The following DSE variants were observed in gnomAD, a reference collection of about 807,000 sequenced individuals.
The protein encoded by DSE is dermatan sulfate epimerase.
In DSE, 36 loss-of-function variants were observed where a neutral mutation model predicts 84.4. The observed-to-expected ratio is 0.43, with a 90% CI of 0.33 to 0.56. DSE has a LOEUF of 0.56. Ranked by LOEUF, DSE falls within the 20% of genes least tolerant of loss-of-function variation. DSE has a pLI of 0.06. For missense variants in DSE, 862 were observed against 1,169.6 expected (o/e 0.74, Z 3.84); for synonymous variants, 410 against 430.1 (o/e 0.95, Z 0.58).
chr6:116,427,782 A>T (rs1783542614), intron 3 of DSE, among the ~76,000 whole-genome samples: 1 of 152,214 alleles, frequency 6.6e-6, no homozygotes, highest in East Asian at 1.9e-4. Context: ...GTATTTTGTT[A>T]TCTCTGTCAG....
intron 2 of DSE, among the ~76,000 whole-genome samples, chr6:116,318,390 C>A (rs2114752522): frequency 6.6e-6 from 1 of 152,274 alleles, no homozygotes; most frequent in Non-Finnish European, 1.5e-5. Flanking sequence ...CCTGTAGTCC[C>A]AGCTACTTGG....
At chr6:116,394,019 T>G (rs1306628803) in intron 1 of DSE, among the ~76,000 whole-genome samples, 2 of 152,232 alleles carry the variant, frequency 1.3e-5, no homozygotes, top group African/African-American at 4.8e-5. Flanking sequence ...AATGGAACTT[T>G]TAATGTTATT....
At chr6:116,379,498 G>A (rs1337302093) in intron 1 of DSE, among the ~76,000 whole-genome samples, 1 of 152,030 alleles carries the variant, frequency 6.6e-6, no homozygotes, top group Non-Finnish European at 1.5e-5. Context: ...TCTTCCGTAA[G>A]TTAGAGCTTT....
intron 1 of DSE, among the ~76,000 whole-genome samples, chr6:116,371,602 C>T (rs1180444517): frequency 1.3e-5 from 2 of 152,166 alleles, no homozygotes; most frequent in Admixed American, 6.5e-5. Context: ...TGTGCAGATC[C>T]TGGCGCTGGC....
chr6:116,295,548 A>G (rs1191542214), intron 2 of DSE, among the ~76,000 whole-genome samples: 12 of 152,212 alleles, frequency 7.9e-5, no homozygotes, highest in Non-Finnish European at 2.9e-5. Flanking sequence ...CACAATACAG[A>G]AAATAAAATA....
chr6:116,279,628 CCCT>C, intron 2 of DSE: 1 of 1,604,022 alleles, frequency 6.2e-7, no homozygotes, highest in South Asian at 1.1e-5. Context: ...GGGTACGCCC[CCCT>C]CCTCTGAAGG....
intron 2 of DSE, among the ~76,000 whole-genome samples, chr6:116,309,079 T>C (rs1336168680): frequency 1.3e-5 from 2 of 151,846 alleles, no homozygotes; most frequent in Admixed American, 6.6e-5. Context: ...AAAGTTTTTA[T>C]TTTGTTTAGA....
intron 3 of DSE, among the ~76,000 whole-genome samples, chr6:116,427,521 C>G (rs1376178284): frequency 2.0e-5 from 3 of 152,080 alleles, no homozygotes; most frequent in African/African-American, 4.8e-5. Context: ...GATTATACTC[C>G]CCATAAGAAT....
chr6:116,335,803 A>G (rs936682547), intron 2 of DSE, among the ~76,000 whole-genome samples: 1 of 152,096 alleles, frequency 6.6e-6, no homozygotes, highest in African/African-American at 2.4e-5. Flanking sequence ...AACAGAGAAG[A>G]CCTCTTTATT....
chr6:116,312,129 G>C (rs1775728709), intron 2 of DSE, among the ~76,000 whole-genome samples: 1 of 152,140 alleles, frequency 6.6e-6, no homozygotes, highest in Admixed American at 6.5e-5. Flanking sequence ...TCTAGTCCAA[G>C]CTATGATTTT....
intron 2 of DSE, among the ~76,000 whole-genome samples, chr6:116,325,658 A>G (rs1776574936): frequency 6.6e-6 from 1 of 152,130 alleles, no homozygotes; most frequent in African/African-American, 2.4e-5. Context: ...CCCTCCATGT[A>G]AGGACCACTT....
At chr6:116,377,924 A>G (rs904900940) in intron 1 of DSE, among the ~76,000 whole-genome samples, 7 of 152,162 alleles carry the variant, frequency 4.6e-5, no homozygotes, top group Non-Finnish European at 1.0e-4. Flanking sequence ...AATTCTGGGG[A>G]AAAATCTTTT....
intron 1 of DSE, among the ~76,000 whole-genome samples, chr6:116,394,750 A>G (rs1781132874): frequency 6.6e-6 from 1 of 152,176 alleles, no homozygotes; most frequent in African/African-American, 2.4e-5. Context: ...AAGACAAATG[A>G]ATGGGAAGAA....
chr6:116,278,426 A>C (rs1338684000), intron 2 of DSE: 4 of 1,565,228 alleles, frequency 2.6e-6, no homozygotes, highest in Non-Finnish European at 3.5e-6. Context: ...AACAAAGCAC[A>C]ATAGAAGGCA....
chr6:116,261,788 G>C (rs58856217), intron 2 of DSE, among the ~76,000 whole-genome samples: 1 of 152,160 alleles, frequency 6.6e-6, no homozygotes, highest in African/African-American at 2.4e-5. Context: ...TACCTACTTT[G>C]AGAGTTTTTA....
At chr6:116,433,776 A>G (rs1783988645) in intron 5 of DSE, among the ~76,000 whole-genome samples, 1 of 152,218 alleles carries the variant, frequency 6.6e-6, no homozygotes, top group Admixed American at 6.5e-5. Flanking sequence ...ATACAGGGGT[A>G]CATGTGCAGT....
exon 1 of DSE, chr6:116,254,274 G>C: frequency 1.5e-6 from 1 of 670,596 alleles, no homozygotes; most frequent in Non-Finnish European, 2.7e-6. Context: ...TACGTAAATG[G>C]ATGTAGACCA....
intron 2 of DSE, among the ~76,000 whole-genome samples, chr6:116,422,571 T>C (rs2115054039): frequency 6.6e-6 from 1 of 152,350 alleles, no homozygotes; most frequent in South Asian, 2.1e-4. Flanking sequence ...TTTAATCACA[T>C]AGGATATTAG....
chr6:116,395,570 T>C (rs1047873147), intron 1 of DSE, among the ~76,000 whole-genome samples: 1 of 152,112 alleles, frequency 6.6e-6, no homozygotes, highest in Non-Finnish European at 1.5e-5. Context: ...CCATATCCAT[T>C]TACTTTTTTT....
Sources: allele counts gnomAD v4.1 joint callset (sites outside exome capture counted in the v4.1 genomes callset), GRCh38; gene constraint gnomAD v4.1.1; transcripts MANE v1.5; gene names NCBI Gene and HGNC (gene_info 2026-07-23, HGNC 2026-07-21).